The following ARHGAP32 variants were observed in gnomAD, a reference collection of about 807,000 sequenced individuals.
The protein encoded by ARHGAP32 is rho GTPase-activating protein 32.
ARHGAP32 carries 51 observed loss-of-function variants against 186.5 expected under a neutral mutation model. The observed-to-expected ratio is 0.27, with a 90% CI of 0.22 to 0.35. The LOEUF is 0.35. Among genes scored for constraint, ARHGAP32 ranks in the 10% least tolerant of loss-of-function variants. The pLI is 1.00. For missense variants in ARHGAP32, 2,186 were observed against 2,623.5 expected (o/e 0.83, Z 3.64); for synonymous variants, 950 against 964.3 (o/e 0.99, Z 0.27).
intron 1 of ARHGAP32, among the ~76,000 whole-genome samples, chr11:129,199,924 T>A (rs1944438555): frequency 6.6e-6 from 1 of 152,194 alleles, no homozygotes; most frequent in Non-Finnish European, 1.5e-5. Context: ...CCCAAGACCA[T>A]GGGAACCGAC....
chr11:129,139,315 G>A (rs1199140154), intron 2 of ARHGAP32, among the ~76,000 whole-genome samples: 1 of 152,068 alleles, frequency 6.6e-6, no homozygotes, highest in African/African-American at 2.4e-5. Context: ...TCCTATTACT[G>A]TATAGTCATT....
intron 22 of ARHGAP32, 68 bp downstream of exon 22, chr11:128,972,385 C>A: frequency 5.5e-6 from 8 of 1,463,946 alleles, no homozygotes; most frequent in Non-Finnish European, 6.4e-6. Context: ...TAACAACACA[C>A]CCTGCTGAAA....
At chr11:129,032,757 C>A (rs976204925) in intron 11 of ARHGAP32, among the ~76,000 whole-genome samples, 12 of 151,974 alleles carry the variant, frequency 7.9e-5, no homozygotes, top group African/African-American at 2.4e-4. Context: ...GCAAAGTGAC[C>A]AATTCAAAAA....
intron 19 of ARHGAP32, among the ~76,000 whole-genome samples, chr11:128,977,677 ATTTCT>A (rs928349298): frequency 6.6e-6 from 1 of 151,638 alleles, no homozygotes; most frequent in African/African-American, 2.4e-5. Flanking sequence ...TCATGTAACT[ATTTCT>A]TTTATTTTTT....
rs187196777 is a variant in ARHGAP32 at position 129,223,577 on chromosome 11, A to C, written c.-5+55569T>G. Among the ~76,000 whole-genome samples the C allele has an allele frequency of 1.9e-3, 285 of 152,332 alleles. 1 individual carries two copies. The highest frequency in any genetic ancestry group is 6.7e-3 in the African/African-American group (278 of 41,584). On this transcript the variant is annotated intron_variant, in intron 1 of 6. Transcript: ENST00000525234. ...CATAGTTTAGGAGAAAAATGTGGAA[A>C]AGATGTTTGCTTACTTTTATGAATA...
Position 128,970,413 on chromosome 11 carries a change from G to C in ARHGAP32, c.4800C>G (p.Leu1600=). ...PYPTIRRVQS[L]HAPPSSMIRS... is the part of the protein sequence containing the mutation. ...GAATCATGGAAGACGGCGGAGCATG[G>C]AGAGACTGCACTCTCCGGATGGTAG... is the stretch of plus-strand genomic sequence containing the variant. The change falls in exon 23 of 23, where the codon CTC becomes CTG. Residue 1600 remains leucine (L), a synonymous_variant. Coordinates refer to ENST00000682385, the MANE Select transcript of ARHGAP32 (RefSeq NM_001378024.1). This position sits in a 1 kb window ranked among gnomAD's most constrained non-coding sequence, Gnocchi z 5.8. The C allele has an allele frequency of 6.2e-7, 1 of 1,614,156 alleles. No homozygotes were observed. The highest frequency in any genetic ancestry group is 8.5e-7 in the Non-Finnish European group (1 of 1,180,026).
At chr11:129,257,721 A>ACC (rs1555118502) in intron 1 of ARHGAP32, among the ~76,000 whole-genome samples, 6 of 146,626 alleles carry the variant, frequency 4.1e-5, no homozygotes, top group Admixed American at 6.8e-5. Flanking sequence ...AAAAAAAAAA[A>ACC]CAGAACTTCT....
chr11:129,155,475 T>C (rs1943381317), intron 2 of ARHGAP32, among the ~76,000 whole-genome samples: 1 of 152,190 alleles, frequency 6.6e-6, no homozygotes, highest in African/African-American at 2.4e-5. Flanking sequence ...ACTACCAAAC[T>C]ATGCACTCAT....
intron 12 of ARHGAP32, among the ~76,000 whole-genome samples, chr11:128,990,873 T>C (rs548716391): frequency 5.4e-4 from 82 of 152,234 alleles, no homozygotes; most frequent in African/African-American, 1.9e-3. Flanking sequence ...CTTAGGAAAA[T>C]AGTTAAAATT....
intron 1 of ARHGAP32, among the ~76,000 whole-genome samples, chr11:129,177,102 G>C (rs1426289416): frequency 6.6e-6 from 1 of 151,278 alleles, no homozygotes; most frequent in Non-Finnish European, 1.5e-5. Context: ...TGATAAAGGG[G>C]ATATCACCAC....
chr11:129,197,978 T>A (rs1944415691), intron 1 of ARHGAP32, among the ~76,000 whole-genome samples: 1 of 152,302 alleles, frequency 6.6e-6, no homozygotes, highest in African/African-American at 2.4e-5. Context: ...CTTTATTTCA[T>A]GAAAATATCA....
chr11:129,107,522 A>G (rs1942081114), intron 5 of ARHGAP32, among the ~76,000 whole-genome samples: 1 of 152,224 alleles, frequency 6.6e-6, no homozygotes, highest in Non-Finnish European at 1.5e-5. Flanking sequence ...TGATATATAA[A>G]GATGTAATCT....
Position 128,969,818 on chromosome 11 carries a change from C to T in ARHGAP32, c.5395G>A (p.Gly1799Ser), listed in dbSNP as rs147135511. 51 of 1,614,038 alleles carry T rather than the reference C, an allele frequency of 3.2e-5. No individual in the cohort carries two copies. The African/African-American group carries it at 5.7e-4, about 18-fold the overall frequency. Residue 1799 changes from glycine to serine, a missense_variant, in exon 23 of 23, where the codon GGT (glycine) becomes AGT (serine). Transcript: ENST00000682385. This position sits in a 1 kb window ranked among gnomAD's most constrained non-coding sequence, Gnocchi z 4.8. ...NMTPAVQDDL[G>S]GIYVIHLRSK... ...CGCAGATGGATGACATAGATCCCAC[C>T]CAAGTCGTCCTGCACCGCCGGGGTC...
At chr11:129,115,027 GTTCTT>G (rs1942326361) in intron 5 of ARHGAP32, among the ~76,000 whole-genome samples, 1 of 152,134 alleles carries the variant, frequency 6.6e-6, no homozygotes, top group Non-Finnish European at 1.5e-5. Context: ...CACGGAAAGA[GTTCTT>G]TTCTTTTATT....
intron 2 of ARHGAP32, among the ~76,000 whole-genome samples, chr11:129,134,525 CAT>C (rs1203346764): frequency 6.6e-6 from 1 of 152,100 alleles, no homozygotes; most frequent in Admixed American, 6.5e-5. Flanking sequence ...AGATTTGAAA[CAT>C]ATTAGCAATA....
At chr11:129,021,510 G>C (rs1006540262) in intron 11 of ARHGAP32, among the ~76,000 whole-genome samples, 19 of 152,148 alleles carry the variant, frequency 1.2e-4, no homozygotes, top group African/African-American at 4.3e-4. Flanking sequence ...GCTCATGCTA[G>C]ACCTTTAAAA....
chr11:129,050,473 C>T (rs911167090), intron 10 of ARHGAP32, among the ~76,000 whole-genome samples: 2 of 151,982 alleles, frequency 1.3e-5, no homozygotes, highest in Non-Finnish European at 2.9e-5. Context: ...CCCAAGTAGC[C>T]GGGACTACAG....
intron 1 of ARHGAP32, among the ~76,000 whole-genome samples, chr11:129,234,443 T>C (rs1453667890): frequency 1.3e-5 from 2 of 152,118 alleles, no homozygotes; most frequent in Non-Finnish European, 2.9e-5. Context: ...TAAGGAAATA[T>C]GAAAAATGTA....
At chr11:129,221,509 GTGTGTGTGTGTGTGTGTGTGTGTGTT>G (rs1463882788) in intron 1 of ARHGAP32, among the ~76,000 whole-genome samples, 3 of 144,120 alleles carry the variant, frequency 2.1e-5, no homozygotes, top group Non-Finnish European at 4.6e-5. Context: ...GTGTGTGTGT[GTGTGTGTGTGTGTGTGTGTGTGTGTT>G]TATGGTAAAA....
Sources: gnomAD v4.1 joint callset for allele counts (sites outside exome capture counted in the v4.1 genomes callset) on GRCh38, gnomAD v4.1.1 for gene constraint, Gnocchi (gnomAD v3.1) non-coding constraint, MANE v1.5 for transcripts, NCBI Gene and HGNC (gene_info 2026-07-23, HGNC 2026-07-21) for gene names.